Variants in DEK observed in about 807,000 individuals in gnomAD.
DEK encodes the protein protein DEK.
DEK carries 28 observed loss-of-function variants against 46.8 expected under a neutral mutation model. That is an observed-to-expected ratio of 0.60 (90% confidence interval 0.44 to 0.82). The LOEUF is 0.82. DEK is among the 40% of genes least tolerant of loss of function. The probability of loss-of-function intolerance (pLI) is 0.00; values close to 1 mark genes in which losing one functional copy is unlikely to be tolerated. For synonymous variants in DEK, 160 were observed against 144.5 expected, an observed-to-expected ratio of 1.11 and a Z score of -0.77; for missense variants, 416 against 430.6, an observed-to-expected ratio of 0.97 and a Z score of 0.30.
At chr6:18,233,360 T>C (rs992036028) in intron 9 of DEK, among the ~76,000 whole-genome samples, 34 of 152,106 alleles carry the variant, frequency 2.2e-4, no homozygotes, top group Non-Finnish European at 2.8e-4. Context: ...TGGGATCTAA[T>C]TAAACTAAAG....
chr6:18,235,337 G>A (rs993712072), intron 9 of DEK, among the ~76,000 whole-genome samples: 14 of 152,140 alleles, frequency 9.2e-5, no homozygotes, highest in African/African-American at 3.1e-4. Flanking sequence ...TCCAATCCTA[G>A]TCTTGAGACA....
At chr6:18,263,047 C>G (rs756694949) in intron 2 of DEK, among the ~76,000 whole-genome samples, 1 of 152,068 alleles carries the variant, frequency 6.6e-6, no homozygotes, top group African/African-American at 2.4e-5. Flanking sequence ...CTAAGAGATG[C>G]GACTCGGATT....
intron 2 of DEK, among the ~76,000 whole-genome samples, chr6:18,260,744 T>C (rs1313171615): frequency 6.6e-6 from 1 of 152,014 alleles, no homozygotes; most frequent in African/African-American, 2.4e-5. Flanking sequence ...CTCATTCCTG[T>C]AATCCAGGCC....
chr6:18,226,121 A>G, intron 10 of DEK, 53 bp downstream of exon 10: 1 of 1,195,130 alleles, frequency 8.4e-7, no homozygotes, highest in Non-Finnish European at 1.1e-6. Flanking sequence ...ATTTTATGTA[A>G]TTACTTTTGT....
At chr6:18,260,967 C>G (rs1235491578) in intron 2 of DEK, among the ~76,000 whole-genome samples, 1 of 123,490 alleles carries the variant, frequency 8.1e-6, no homozygotes, top group Non-Finnish European at 1.6e-5. Context: ...GCCTGGGTGA[C>G]AAGTGAGACC....
At chr6:18,262,249 T>C (rs544743308) in intron 2 of DEK, among the ~76,000 whole-genome samples, 52 of 152,114 alleles carry the variant, frequency 3.4e-4, no homozygotes, top group Non-Finnish European at 7.2e-4. Context: ...TAAAACCTAT[T>C]TTCTTTATAA....
intron 9 of DEK, among the ~76,000 whole-genome samples, chr6:18,232,635 T>A (rs1790460146): frequency 1.3e-5 from 2 of 152,062 alleles, no homozygotes; most frequent in African/African-American, 4.8e-5. Context: ...TTAAAATACC[T>A]AGGAATCCAA....
Position 18,235,540 on chromosome 6 carries a change from C to T in DEK, c.1047+912G>A, listed in dbSNP as rs559567400. Among the ~76,000 whole-genome samples, 64 of 152,322 alleles carry T rather than the reference C, an allele frequency of 4.2e-4. No individual in the cohort carries two copies. In the South Asian group the frequency reaches 8.5e-3, roughly 20 times the overall value. On this transcript the variant is annotated intron_variant, in intron 9 of 10. Coordinates refer to ENST00000652689, the MANE Select transcript of DEK (RefSeq NM_003472.4). ...CAGTACCTTCCATATTCTAACACAG[C>T]CCTCGCTTACAATATTTTAATTACT...
chr6:18,247,814 C>T (rs777008644), intron 7 of DEK, among the ~76,000 whole-genome samples: 5 of 151,808 alleles, frequency 3.3e-5, no homozygotes, highest in Admixed American at 1.3e-4. Flanking sequence ...CTGGGATTAT[C>T]GGCATGCACC....
At chr6:18,238,608 A>G (rs150301879) in intron 7 of DEK, among the ~76,000 whole-genome samples, 3,079 of 151,418 alleles carry the variant, frequency 0.02, 105 homozygotes, top group African/African-American at 0.07. Context: ...GAGGCAAGAG[A>G]ATTGCTTGAA....
rs184634961 is a variant in DEK at position 18,248,333 on chromosome 6, A to T, written c.762+1318T>A. Among the ~76,000 whole-genome samples, 68 of 152,324 alleles carry T rather than the reference A, an allele frequency of 4.5e-4. No homozygotes were observed. The East Asian group carries it at 0.012, about 26-fold the overall frequency. ...ATTCTATGATAATGTTTCGTGCTTT[A>T]ACTCTGCCCATAAAGAGAGTTTAGG... is the stretch of plus-strand genomic sequence containing the variant. On this transcript the variant is annotated intron_variant, in intron 7 of 10. Transcript: ENST00000652689.
intron 3 of DEK, 98 bp downstream of exon 3, chr6:18,258,206 T>A (rs569022613): frequency 8.6e-7 from 1 of 1,160,640 alleles, no homozygotes; most frequent in African/African-American, 1.6e-5. Flanking sequence ...ATACCAAAAG[T>A]ATAAAACACT....
intron 9 of DEK, among the ~76,000 whole-genome samples, chr6:18,228,490 C>T (rs567243779): frequency 6.6e-6 from 1 of 151,748 alleles, no homozygotes; most frequent in African/African-American, 2.4e-5. Flanking sequence ...ACTGAGATAC[C>T]AGGTTCATCT....
At chr6:18,238,924 G>T (rs907152874) in intron 7 of DEK, among the ~76,000 whole-genome samples, 1 of 147,202 alleles carries the variant, frequency 6.8e-6, no homozygotes. Context: ...AAGCAACCTG[G>T]TTTTTTTTTT....
chr6:18,227,461 C>G (rs1351468743), intron 9 of DEK, among the ~76,000 whole-genome samples: 1 of 152,084 alleles, frequency 6.6e-6, no homozygotes, highest in African/African-American at 2.4e-5. Flanking sequence ...ATCTGCTGAC[C>G]TTGTCTCCAC....
chr6:18,261,176 C>CTG (rs1791843867), intron 2 of DEK, among the ~76,000 whole-genome samples: 1 of 151,952 alleles, frequency 6.6e-6, no homozygotes, highest in African/African-American at 2.4e-5. Context: ...TGCCCAAAGC[C>CTG]TTGGGACCCC....
intron 9 of DEK, among the ~76,000 whole-genome samples, chr6:18,229,847 G>A (rs963846987): frequency 1.3e-5 from 2 of 152,150 alleles, no homozygotes; most frequent in Non-Finnish European, 2.9e-5. Flanking sequence ...AGCAAGGCAG[G>A]CCAACATTCA....
At chr6:18,257,902 T>C in intron 4 of DEK, 51 bp downstream of exon 4, 3 of 1,324,502 alleles carry the variant, frequency 2.3e-6, no homozygotes, top group South Asian at 1.4e-5. Flanking sequence ...CAGAAATTGA[T>C]TCCATTGTGA....
intron 2 of DEK, among the ~76,000 whole-genome samples, chr6:18,263,013 A>G (rs1484107219): frequency 1.3e-5 from 2 of 152,196 alleles, no homozygotes; most frequent in Non-Finnish European, 2.9e-5. Context: ...AAATAACCGC[A>G]GACTAAGCTA....
Sources: gnomAD v4.1 joint callset for allele counts (sites outside exome capture counted in the v4.1 genomes callset) on GRCh38, gnomAD v4.1.1 for gene constraint, MANE v1.5 for transcripts, NCBI Gene and HGNC (gene_info 2026-07-23, HGNC 2026-07-21) for gene names.